The following HCN1 variants were observed in gnomAD, a reference collection of about 807,000 sequenced individuals.
HCN1 encodes the protein potassium/sodium hyperpolarization-activated cyclic nucleotide-gated channel 1.
In HCN1, 13 loss-of-function variants were observed where a neutral mutation model predicts 78.9. That is an observed-to-expected ratio of 0.16 (90% CI 0.11 to 0.26). The LOEUF is 0.26. Ranked by LOEUF, HCN1 falls within the 10% of genes least tolerant of loss-of-function variation. The pLI, the probability that HCN1 is intolerant of heterozygous loss-of-function variation, is 1.00. For missense variants in HCN1, 810 were observed against 1,154.3 expected (o/e 0.70, Z 4.32); for synonymous variants, 552 against 455.5 (o/e 1.21, Z -2.70).
chr5:45,464,735 C>G (rs1399676685), intron 2 of HCN1, among the ~76,000 whole-genome samples: 1 of 152,046 alleles, frequency 6.6e-6, no homozygotes, highest in Non-Finnish European at 1.5e-5. Context: ...GTCTTTTGAA[C>G]CCTTATAACT....
intron 5 of HCN1, among the ~76,000 whole-genome samples, chr5:45,347,463 C>T (rs1473757804): frequency 3.3e-5 from 5 of 152,178 alleles, no homozygotes; most frequent in Non-Finnish European, 7.3e-5. Flanking sequence ...AGCACCTCTC[C>T]TCCTCCAAAG....
At chr5:45,305,691 GA>G (rs1046662766) in intron 5 of HCN1, among the ~76,000 whole-genome samples, 22 of 151,292 alleles carry the variant, frequency 1.5e-4, no homozygotes, top group African/African-American at 5.3e-4. Context: ...AGGAAGGAAA[GA>G]AAGAAGGGAG....
At chr5:45,324,692 T>A (rs1378377353) in intron 5 of HCN1, among the ~76,000 whole-genome samples, 1 of 151,820 alleles carries the variant, frequency 6.6e-6, no homozygotes, top group Non-Finnish European at 1.5e-5. Flanking sequence ...AAGATTTGAA[T>A]GCTAAGACTT....
rs7700252 is a variant in HCN1, at chr5:45,540,711, C to A, written c.850-78704G>T. Among the ~76,000 whole-genome samples, 12 of 151,928 alleles carry A rather than the reference C, an allele frequency of 7.9e-5. No individual in the cohort carries two copies. The East Asian group carries it at 1.7e-3, about 22-fold the overall frequency. Reference sequence around the variant, plus strand: ...TCATAATATGTAAATAGCACATTTCCTTTATTGTTTGCATTTTTCTAATGG... The same window carrying A: ...TCATAATATGTAAATAGCACATTTCATTTATTGTTTGCATTTTTCTAATGG... On this transcript the variant is annotated intron_variant, in intron 2 of 7. Coordinates refer to ENST00000303230, the MANE Select transcript of HCN1 (RefSeq NM_021072.4).
chr5:45,313,180 T>A (rs1745895362), intron 5 of HCN1, among the ~76,000 whole-genome samples: 1 of 152,084 alleles, frequency 6.6e-6, no homozygotes, highest in Admixed American at 6.5e-5. Flanking sequence ...TCCAGAGGAA[T>A]GATCAGGCAG....
rs1454448194 is a variant in HCN1, at chr5:45,481,840, CTACTACCAACTG to C, written c.850-19845_850-19834del. On this transcript the variant is annotated intron_variant, in intron 2 of 7. Coordinates refer to ENST00000303230, the MANE Select transcript of HCN1 (RefSeq NM_021072.4). The stretch of plus-strand genomic sequence containing the variant: ...GATCCAGGTATGAATTTACCTTTGT[CTACTACCAACTG>C]TAATTTTGAGAGGTTTACTCTCAGT... 6.6e-5 allele frequency among the ~76,000 whole-genome samples: 10 copies of C among 152,214 alleles called. No homozygotes were observed. In the South Asian group the frequency reaches 2.1e-3, roughly 32 times the overall value.
At chr5:45,285,706 G>C (rs1745255428) in intron 6 of HCN1, among the ~76,000 whole-genome samples, 1 of 151,954 alleles carries the variant, frequency 6.6e-6, no homozygotes, top group Non-Finnish European at 1.5e-5. Context: ...AAAAGATCTT[G>C]ATTTAAAGAT....
chr5:45,347,633 T>C (rs1235897415), intron 5 of HCN1, among the ~76,000 whole-genome samples: 3 of 152,050 alleles, frequency 2.0e-5, no homozygotes, highest in African/African-American at 2.4e-5. Context: ...TTTAGACGAA[T>C]GTATAACTAG....
At chr5:45,620,797 T>C (rs1745045395) in intron 2 of HCN1, among the ~76,000 whole-genome samples, 1 of 152,180 alleles carries the variant, frequency 6.6e-6, no homozygotes, top group Non-Finnish European at 1.5e-5. Context: ...TTGCAGTCCC[T>C]GTATCTGACA....
intron 1 of HCN1, among the ~76,000 whole-genome samples, chr5:45,661,711 T>C (rs1329786863): frequency 4.4e-5 from 2 of 45,628 alleles, no homozygotes; most frequent in Non-Finnish European, 8.3e-5. Context: ...CTAGAAGAAA[T>C]GGATACATTC....
intron 4 of HCN1, among the ~76,000 whole-genome samples, chr5:45,382,186 T>C (rs2112026484): frequency 6.6e-6 from 1 of 152,290 alleles, no homozygotes; most frequent in African/African-American, 2.4e-5. Context: ...TCTAGGAGAA[T>C]AGAGTAACTC....
At chr5:45,432,638 T>G (rs1444104156) in intron 3 of HCN1, among the ~76,000 whole-genome samples, 1 of 152,184 alleles carries the variant, frequency 6.6e-6, no homozygotes, top group South Asian at 2.1e-4. Flanking sequence ...AGATGGCTCC[T>G]ACTATTTTGA....
At chr5:45,276,277 T>A (rs1745056296) in intron 6 of HCN1, among the ~76,000 whole-genome samples, 1 of 152,124 alleles carries the variant, frequency 6.6e-6, no homozygotes, top group African/African-American at 2.4e-5. Context: ...TTCCTCTATT[T>A]GTTTAATGCA....
chr5:45,317,964 G>A (rs538211371), intron 5 of HCN1, among the ~76,000 whole-genome samples: 1 of 152,252 alleles, frequency 6.6e-6, no homozygotes, highest in South Asian at 2.1e-4. Context: ...TACACTGTTG[G>A]TGGGACTGTA....
chr5:45,424,795 G>A (rs556080995), intron 3 of HCN1, among the ~76,000 whole-genome samples: 3 of 152,096 alleles, frequency 2.0e-5, no homozygotes, highest in Non-Finnish European at 4.4e-5. Flanking sequence ...TAAACAATGC[G>A]ATAGAAAAAT....
At chr5:45,266,762 G>T (rs936476703) in intron 7 of HCN1, among the ~76,000 whole-genome samples, 1 of 150,166 alleles carries the variant, frequency 6.7e-6, no homozygotes, top group Non-Finnish European at 1.5e-5. Flanking sequence ...AGACGGGAGT[G>T]CAGTGGTACC....
intron 2 of HCN1, among the ~76,000 whole-genome samples, chr5:45,546,712 T>A (rs1432139807): frequency 6.6e-6 from 1 of 151,982 alleles, no homozygotes; most frequent in East Asian, 1.9e-4. Flanking sequence ...AACGCACCTA[T>A]CCTATATGGC....
chr5:45,334,640 G>A (rs1746417000), intron 5 of HCN1, among the ~76,000 whole-genome samples: 1 of 151,914 alleles, frequency 6.6e-6, no homozygotes, highest in Non-Finnish European at 1.5e-5. Flanking sequence ...CTGGATCAAT[G>A]TCTCACACAC....
intron 2 of HCN1, among the ~76,000 whole-genome samples, chr5:45,585,091 G>A (rs1014853596): frequency 1.3e-4 from 20 of 152,122 alleles, no homozygotes; most frequent in African/African-American, 3.1e-4. Context: ...GCTATGTTGC[G>A]GAAGTTCTCC....
Sources: gnomAD v4.1 joint callset for allele counts (sites outside exome capture counted in the v4.1 genomes callset) on GRCh38, gnomAD v4.1.1 for gene constraint, MANE v1.5 for transcripts, NCBI Gene and HGNC (gene_info 2026-07-23, HGNC 2026-07-21) for gene names.